Variants in KAZN observed in about 807,000 individuals in gnomAD.
KAZN encodes the protein kazrin, periplakin interacting protein.
In KAZN, 40 loss-of-function variants were observed where a neutral mutation model predicts 87.4. The ratio of observed to expected loss-of-function variants is 0.46; its 90% CI spans 0.36 to 0.60. The LOEUF is 0.60. Among genes scored for constraint, KAZN ranks in the 20% least tolerant of loss-of-function variants. KAZN has a pLI of 0.00. For missense variants in KAZN, 898 were observed against 1,073.9 expected (o/e 0.84, Z 2.29); for synonymous variants, 466 against 458.3 (o/e 1.02, Z -0.22).
chr1:14,960,885 G>T lies in KAZN; in HGVS notation c.418+10G>T. On this transcript the variant is annotated intron_variant, in intron 2 of 14. Coordinates refer to ENST00000376030, the MANE Select transcript of KAZN (RefSeq NM_201628.3). ...AAAGAAGCCTTGCAGGGTGAGTGAC[G>T]AGTCAGCAGCAGTTCCTTCGCTGGG... 2 of 1,595,716 alleles carry T rather than the reference G, an allele frequency of 1.3e-6. No homozygotes were observed. Among genetic ancestry groups the T allele is most frequent in the South Asian group, 2.2e-5 (2 of 89,794 alleles).
intron 1 of KAZN, among the ~76,000 whole-genome samples, chr1:14,012,973 C>G (rs1640385995): frequency 6.6e-6 from 1 of 152,194 alleles, no homozygotes; most frequent in Admixed American, 6.5e-5. Context: ...AGGCTTCGAG[C>G]CTGATAGAGA....
chr1:15,015,445 C>T (rs1669992103), intron 2 of KAZN, among the ~76,000 whole-genome samples: 1 of 152,134 alleles, frequency 6.6e-6, no homozygotes, highest in African/African-American at 2.4e-5. Context: ...GCCACCGGGC[C>T]CGGCCATAAA....
At chr1:15,067,456 G>T (rs1488771881) in intron 8 of KAZN, 1 of 985,334 alleles carries the variant, frequency 1.0e-6, no homozygotes, top group Non-Finnish European at 1.2e-6. Context: ...GAGCTGTTCA[G>T]CAAGGTCTGC....
intron 2 of KAZN, among the ~76,000 whole-genome samples, chr1:14,416,470 C>T (rs540094379): frequency 2.6e-5 from 4 of 152,316 alleles, no homozygotes; most frequent in Non-Finnish European, 4.4e-5. Context: ...GATGCAGTGG[C>T]TCATGCCTAT....
chr1:14,870,774 G>A (rs1364175292), intron 1 of KAZN, among the ~76,000 whole-genome samples: 1 of 152,194 alleles, frequency 6.6e-6, no homozygotes, highest in African/African-American at 2.4e-5. Flanking sequence ...CATTTGTTGT[G>A]AAGGTTGTGT....
intron 2 of KAZN, among the ~76,000 whole-genome samples, chr1:14,466,754 G>A (rs1315263607): frequency 6.6e-6 from 1 of 151,912 alleles, no homozygotes; most frequent in Non-Finnish European, 1.5e-5. Flanking sequence ...AGATCACGAA[G>A]TCAGGAGATG....
intron 2 of KAZN, among the ~76,000 whole-genome samples, chr1:14,269,735 G>A (rs75584105): frequency 0.021 from 3,213 of 152,262 alleles, 118 homozygotes; most frequent in African/African-American, 0.073. Context: ...GGGCAATGGA[G>A]AGTAGATGTT....
chr1:14,378,512 A>G (rs1202557250), intron 2 of KAZN, among the ~76,000 whole-genome samples: 2 of 152,242 alleles, frequency 1.3e-5, no homozygotes, highest in Non-Finnish European at 2.9e-5. Flanking sequence ...TAAACTGTCG[A>G]CATTACCCCC....
At chr1:14,751,716 G>A in intron 1 of KAZN, among the ~76,000 whole-genome samples, 1 of 152,148 alleles carries the variant, frequency 6.6e-6, no homozygotes, top group Non-Finnish European at 1.5e-5. Context: ...TCTGGCTATG[G>A]AATGGCAAAT....
intron 1 of KAZN, among the ~76,000 whole-genome samples, chr1:13,954,874 C>T (rs761952115): frequency 1.7e-4 from 26 of 152,002 alleles, no homozygotes; most frequent in Admixed American, 3.3e-4. Flanking sequence ...TTAGTTTTTA[C>T]GAATTGCTAT....
intron 2 of KAZN, among the ~76,000 whole-genome samples, chr1:14,227,623 C>A (rs1190956654): frequency 2.0e-5 from 3 of 152,080 alleles, no homozygotes; most frequent in Non-Finnish European, 4.4e-5. Flanking sequence ...CTCTGACATA[C>A]CCTCAGTCAA....
intron 2 of KAZN, among the ~76,000 whole-genome samples, chr1:14,490,488 G>GGTTT (rs947022908): frequency 6.6e-6 from 1 of 151,738 alleles, no homozygotes; most frequent in Non-Finnish European, 1.5e-5. Flanking sequence ...TTGTTTTTTT[G>GGTTT]GTTTGTTTGT....
intron 1 of KAZN, among the ~76,000 whole-genome samples, chr1:14,174,878 G>A (rs936456067): frequency 6.6e-6 from 1 of 152,152 alleles, no homozygotes; most frequent in South Asian, 2.1e-4. Context: ...AAACTGAGGG[G>A]TAAGTAGGGG....
intron 1 of KAZN, among the ~76,000 whole-genome samples, chr1:14,075,586 C>A (rs2101572218): frequency 6.6e-6 from 1 of 152,194 alleles, no homozygotes; most frequent in South Asian, 2.1e-4. Flanking sequence ...TGTGGGCAGA[C>A]TTTTAAAAAA....
At chr1:14,469,870 AGCTCTTCT>A (rs1668360067) in intron 2 of KAZN, among the ~76,000 whole-genome samples, 1 of 143,512 alleles carries the variant, frequency 7.0e-6, no homozygotes, top group African/African-American at 3.0e-5. Flanking sequence ...TTGCCAGGTT[AGCTCTTCT>A]TTATCGGTAT....
intron 1 of KAZN, among the ~76,000 whole-genome samples, chr1:13,927,913 C>G (rs1352069731): frequency 6.6e-6 from 1 of 152,130 alleles, no homozygotes; most frequent in Non-Finnish European, 1.5e-5. Flanking sequence ...AGGAGGGCAT[C>G]CCAGGCAGGG....
intron 1 of KAZN, among the ~76,000 whole-genome samples, chr1:14,824,195 C>T (rs1261483240): frequency 6.6e-6 from 1 of 151,320 alleles, no homozygotes; most frequent in East Asian, 1.9e-4. Context: ...AGGGGTGCAG[C>T]GTGATGGGAG....
intron 2 of KAZN, among the ~76,000 whole-genome samples, chr1:15,034,546 G>A (rs889706583): frequency 6.6e-6 from 1 of 152,192 alleles, no homozygotes; most frequent in African/African-American, 2.4e-5. Context: ...GGGAGAATCG[G>A]GGCTCTCGAC....
rs191797083 is a variant in KAZN at position 14,202,815 on chromosome 1, G to A, written c.249+22223G>A. On this transcript the variant is annotated intron_variant, in intron 2 of 16. Transcript: ENST00000636203. Reference sequence around the variant, plus strand: ...GCAGATCACCTGAGATCAGGAGATCGAGACCAGCCTGGCCAACATGCCAAA... The same window carrying A: ...GCAGATCACCTGAGATCAGGAGATCAAGACCAGCCTGGCCAACATGCCAAA... Among the ~76,000 whole-genome samples the A allele has an allele frequency of 2.8e-3, 430 of 152,144 alleles. 4 individuals carry two copies. Among genetic ancestry groups the A allele is most frequent in the Non-Finnish European group, 8.4e-4 (57 of 68,004 alleles).
Sources: gnomAD v4.1 joint callset for allele counts (sites outside exome capture counted in the v4.1 genomes callset) on GRCh38, gnomAD v4.1.1 for gene constraint, MANE v1.5 for transcripts, NCBI Gene and HGNC (gene_info 2026-07-23, HGNC 2026-07-21) for gene names.